CDC42SE2: variants seen among roughly 807,000 people sequenced by gnomAD.
CDC42SE2 encodes the protein CDC42 small effector protein 2.
In CDC42SE2, 3 loss-of-function variants were observed where a neutral mutation model predicts 11.5. That is an observed-to-expected ratio of 0.26 (90% CI 0.12 to 0.67). CDC42SE2 has a LOEUF of 0.67. Ranked by LOEUF, CDC42SE2 falls within the 30% of genes least tolerant of loss-of-function variation. CDC42SE2 has a pLI of 0.80. For synonymous variants in CDC42SE2, 33 were observed against 34.8 expected, an observed-to-expected ratio of 0.95 and a Z score of 0.18; for missense variants, 82 against 106.8, an observed-to-expected ratio of 0.77 and a Z score of 1.02.
In CDC42SE2 at chr5:131,276,281, C is replaced by CAAA. The variant is rs59001427; in HGVS notation, c.-455+12129_-455+12131dup. On this transcript the variant is annotated intron_variant, in intron 1 of 4. Transcript: ENST00000505065. The stretch of plus-strand genomic sequence containing the variant: ...GGGCAACGAGGCGAAACCCCATCTA[C>CAAA]AAAAAAAAAAAAAAAATAGAAAAAT... Among the ~76,000 whole-genome samples the CAAA allele has an allele frequency of 1.0e-4, 13 of 126,132 alleles. No homozygotes were observed. The South Asian group carries it at 1.1e-3, about 10-fold the overall frequency. The allele number at this position is 126,132 out of a possible 152,430, so 82.7% of individuals were successfully genotyped here.
intron 1 of CDC42SE2, among the ~76,000 whole-genome samples, chr5:131,246,637 G>T (rs558706474): frequency 1.3e-5 from 2 of 151,860 alleles, no homozygotes; most frequent in Non-Finnish European, 2.9e-5. Flanking sequence ...CTTGATTTAC[G>T]TCTTTAAATA....
the CDC42SE2 span, among the ~76,000 whole-genome samples, chr5:131,210,440 T>C: frequency 6.6e-6 from 1 of 152,350 alleles, no homozygotes; most frequent in East Asian, 1.9e-4. Context: ...TGAATTCAAT[T>C]TCCTCCTTCT....
chr5:131,210,750 T>G, the CDC42SE2 span, among the ~76,000 whole-genome samples: 6 of 152,244 alleles, frequency 3.9e-5, no homozygotes, highest in Non-Finnish European at 1.5e-5. Flanking sequence ...CAACACTTGG[T>G]CTACTTCATC....
chr5:131,391,920 G>GT lies in CDC42SE2; in HGVS notation c.*830dup, dbSNP rs1428184368. 4.6e-5 allele frequency: 7 copies of GT among 152,302 alleles called. No homozygotes were observed. The South Asian group carries it at 8.3e-4, about 18-fold the overall frequency. 9.4% of individuals were successfully genotyped at this position (152,302 alleles called of 1,614,324 possible). A position where few individuals can be genotyped will look rare whatever the true frequency, so the allele number is the denominator to read the frequency against. On this transcript the variant is annotated 3_prime_UTR_variant, in exon 5 of 5. Coordinates refer to ENST00000505065, the MANE Select transcript of CDC42SE2 (RefSeq NM_001375635.1). Reference sequence around the variant, plus strand: ...TTTTATTTTGAATTACAAAAAAGAAGTGTGATGGCACCTTGTCCACCCTGT... The same window carrying GT: ...TTTTATTTTGAATTACAAAAAAGAAGTTGTGATGGCACCTTGTCCACCCTGT...
chr5:131,369,082 G>T (rs1749942154), intron 3 of CDC42SE2, among the ~76,000 whole-genome samples: 1 of 152,062 alleles, frequency 6.6e-6, no homozygotes, highest in East Asian at 1.9e-4. Context: ...GATTTTTATG[G>T]TAATCACTTC....
rs535217418 is a variant in CDC42SE2, at chr5:131,306,490, T to G, written c.-454-9486T>G. Among the ~76,000 whole-genome samples, 68 of 152,328 alleles carry G rather than the reference T, an allele frequency of 4.5e-4. 3 individuals carry two copies. Among genetic ancestry groups the G allele is most frequent in the Admixed American group, 3.3e-3 (51 of 15,298 alleles). On this transcript the variant is annotated intron_variant, in intron 1 of 4. Coordinates refer to ENST00000505065, the MANE Select transcript of CDC42SE2 (RefSeq NM_001375635.1). ...TTATGCCAGTATGTTCTGTATTGAT[T>G]ACTATAGTTTGTAGTAGATTTTGAA...
chr5:131,284,608 C>T (rs926161745), intron 1 of CDC42SE2, among the ~76,000 whole-genome samples: 1 of 152,072 alleles, frequency 6.6e-6, no homozygotes, highest in Non-Finnish European at 1.5e-5. Flanking sequence ...GTAGTTAGGA[C>T]TACAGGCACA....
chr5:131,215,009 C>T, the CDC42SE2 span, among the ~76,000 whole-genome samples: 93 of 152,336 alleles, frequency 6.1e-4, 1 homozygote, highest in African/African-American at 1.8e-3. Flanking sequence ...TGTTTCTCTT[C>T]TGGTCAGTAA....
chr5:131,377,050 C>G (rs574902359), intron 3 of CDC42SE2, among the ~76,000 whole-genome samples: 6 of 152,244 alleles, frequency 3.9e-5, no homozygotes, highest in African/African-American at 1.2e-4. Flanking sequence ...TTTTTCACTT[C>G]TTTGAGAAAT....
intron 2 of CDC42SE2, among the ~76,000 whole-genome samples, chr5:131,337,324 T>C (rs1023622729): frequency 1.3e-4 from 20 of 152,186 alleles, no homozygotes; most frequent in African/African-American, 4.6e-4. Context: ...ATCGTTCGTC[T>C]GGAAGTTTTG....
intron 3 of CDC42SE2, among the ~76,000 whole-genome samples, chr5:131,361,091 C>T (rs1749694609): frequency 6.9e-6 from 1 of 144,318 alleles, no homozygotes. Flanking sequence ...TTTTGGATTG[C>T]ATTGAATTTA....
rs539408462 is a variant in CDC42SE2, at chr5:131,393,843, T to G, written c.*2752T>G. 4.0e-3 allele frequency: 585 copies of G among 145,274 alleles called. 13 individuals carry two copies. The highest frequency in any genetic ancestry group is 0.015 in the African/African-American group (550 of 37,518). The allele number at this position is 145,274 out of a possible 1,614,324, so 9.0% of individuals were successfully genotyped here. A position where few individuals can be genotyped will look rare whatever the true frequency, so the allele number is the denominator to read the frequency against. Reference sequence around the variant, plus strand: ...TTTTTTTTTTTTTTTTTTTTTTTTTTGCTGCTCCAACGACCAGCATGTGTT... The same window carrying G: ...TTTTTTTTTTTTTTTTTTTTTTTTTGGCTGCTCCAACGACCAGCATGTGTT... On this transcript the variant is annotated 3_prime_UTR_variant, in exon 5 of 5. Transcript: ENST00000505065.
At chr5:131,357,821 C>T (rs1421191465) in intron 2 of CDC42SE2, among the ~76,000 whole-genome samples, 6 of 152,194 alleles carry the variant, frequency 3.9e-5, no homozygotes, top group Admixed American at 2.0e-4. Flanking sequence ...ACTTAACCTC[C>T]TGTAATCTGA....
intron 3 of CDC42SE2, among the ~76,000 whole-genome samples, chr5:131,361,699 G>A (rs750580388): frequency 8.5e-5 from 13 of 152,132 alleles, no homozygotes; most frequent in Non-Finnish European, 1.9e-4. Context: ...GGAGTGCAAA[G>A]TTTTATTGAG....
intron 1 of CDC42SE2, among the ~76,000 whole-genome samples, chr5:131,307,367 TC>T (rs1175212010): frequency 6.6e-6 from 1 of 152,002 alleles, no homozygotes; most frequent in Admixed American, 6.6e-5. Flanking sequence ...GTTTCCAATT[TC>T]ATCCATGTCC....
the CDC42SE2 span, among the ~76,000 whole-genome samples, chr5:131,239,724 A>G: frequency 6.6e-6 from 1 of 152,146 alleles, no homozygotes; most frequent in African/African-American, 2.4e-5. Flanking sequence ...TTAATGCCTC[A>G]GCTTGGACTT....
intron 1 of CDC42SE2, among the ~76,000 whole-genome samples, chr5:131,246,949 G>C (rs1414819470): frequency 1.3e-5 from 2 of 151,794 alleles, no homozygotes; most frequent in African/African-American, 4.8e-5. Context: ...TCTCCATGTT[G>C]GCCAGTCTGG....
At chr5:131,258,281 T>C (rs1444069236) in intron 2 of CDC42SE2, among the ~76,000 whole-genome samples, 1 of 152,214 alleles carries the variant, frequency 6.6e-6, no homozygotes, top group Non-Finnish European at 1.5e-5. Flanking sequence ...ATTGTTTACT[T>C]GTTAAGTCTC....
the CDC42SE2 span, among the ~76,000 whole-genome samples, chr5:131,220,605 T>C: frequency 6.6e-6 from 1 of 152,296 alleles, no homozygotes; most frequent in Admixed American, 6.5e-5. Flanking sequence ...TATTCCATTA[T>C]AGATGTAGAA....
Sources: gnomAD v4.1 joint callset for allele counts (sites outside exome capture counted in the v4.1 genomes callset) on GRCh38, gnomAD v4.1.1 for gene constraint, MANE v1.5 for transcripts, NCBI Gene and HGNC (gene_info 2026-07-23, HGNC 2026-07-21) for gene names.